The following AFF3 variants were observed in gnomAD, a reference collection of about 807,000 sequenced individuals.
The protein encoded by AFF3 is ALF transcription elongation factor 3, also known as AF4/FMR2 family member 3.
A neutral mutation model predicts 129.7 loss-of-function variants in AFF3; 32 were observed. That is an observed-to-expected ratio of 0.25 (90% confidence interval 0.19 to 0.33). AFF3 has a LOEUF of 0.33. Among genes scored for constraint, AFF3 ranks in the 10% least tolerant of loss-of-function variants. AFF3 has a pLI of 1.00. For missense variants in AFF3, 1,373 were observed against 1,592.0 expected (o/e 0.86, Z 2.34); for synonymous variants, 644 against 635.4 (o/e 1.01, Z -0.20).
intron 2 of AFF3, among the ~76,000 whole-genome samples, chr2:100,117,285 T>C (rs1221475403): frequency 6.6e-6 from 1 of 152,204 alleles, no homozygotes; most frequent in Non-Finnish European, 1.5e-5. Context: ...AATTTTTAGC[T>C]GTCTTTCTAT....
chr2:99,676,746 A>G (rs931627742), intron 11 of AFF3, among the ~76,000 whole-genome samples: 1 of 152,182 alleles, frequency 6.6e-6, no homozygotes, highest in African/African-American at 2.4e-5. Context: ...AGAAAGGGTC[A>G]TGTTCCTGAG....
chr2:99,563,184 GTTTTC>G (rs796354894), intron 20 of AFF3, among the ~76,000 whole-genome samples: 9 of 151,562 alleles, frequency 5.9e-5, no homozygotes, highest in African/African-American at 1.9e-4. Flanking sequence ...AATTAATGCT[GTTTTC>G]TTTTTTTTTT....
In AFF3 at chr2:99,731,011, T is replaced by C. The variant is rs1306963632; in HGVS notation, c.1040-3883A>G. 3.3e-5 allele frequency among the ~76,000 whole-genome samples: 5 copies of C among 152,238 alleles called. No homozygotes were observed. The East Asian group carries it at 9.7e-4, about 29-fold the overall frequency. Reference sequence around the variant, plus strand: ...GTCTGTTGCCCAGACTGGAGTGCAGTGGTGCAATCTTGGCTTACTGCAATC... The same window carrying C: ...GTCTGTTGCCCAGACTGGAGTGCAGCGGTGCAATCTTGGCTTACTGCAATC... On this transcript the variant is annotated intron_variant, in intron 10 of 24. Transcript: ENST00000672756.
chr2:99,649,916 G>A (rs1310084676), intron 12 of AFF3, among the ~76,000 whole-genome samples: 3 of 152,224 alleles, frequency 2.0e-5, no homozygotes, highest in Non-Finnish European at 4.4e-5. Context: ...GTTTGTCGGG[G>A]GGGCAAAGGA....
intron 2 of AFF3, among the ~76,000 whole-genome samples, chr2:100,123,270 G>A (rs17437538): frequency 0.13 from 20,011 of 152,152 alleles, 1,361 homozygotes; most frequent in Middle Eastern, 0.18. Context: ...GACTGTAAGC[G>A]AAGTTTAATT....
intron 7 of AFF3, among the ~76,000 whole-genome samples, chr2:99,957,420 T>G (rs1252111676): frequency 6.6e-6 from 1 of 152,148 alleles, no homozygotes; most frequent in Non-Finnish European, 1.5e-5. Context: ...CCACAGCCTG[T>G]CAAATTAGAA....
chr2:99,946,670 T>C (rs898134606), intron 7 of AFF3, among the ~76,000 whole-genome samples: 1 of 152,042 alleles, frequency 6.6e-6, no homozygotes, highest in Non-Finnish European at 1.5e-5. Context: ...GGTACCCTAA[T>C]TTGAAATCAA....
intron 7 of AFF3, among the ~76,000 whole-genome samples, chr2:99,870,190 T>C (rs997704270): frequency 6.6e-6 from 1 of 152,230 alleles, no homozygotes; most frequent in Non-Finnish European, 1.5e-5. Context: ...GGCTCTGCTC[T>C]GGTGTCAGGA....
intron 8 of AFF3, among the ~76,000 whole-genome samples, chr2:99,822,437 A>G (rs1331788998): frequency 6.6e-6 from 1 of 152,072 alleles, no homozygotes; most frequent in Admixed American, 6.5e-5. Flanking sequence ...TTTCTTCTAC[A>G]TTCATCAAAT....
At chr2:99,986,223 A>C (rs1679854935) in intron 7 of AFF3, among the ~76,000 whole-genome samples, 1 of 147,540 alleles carries the variant, frequency 6.8e-6, no homozygotes, top group South Asian at 2.1e-4. Flanking sequence ...TAATAATAAT[A>C]ATAATAATAA....
chr2:100,058,441 A>T (rs184613108), intron 4 of AFF3, among the ~76,000 whole-genome samples: 20 of 152,346 alleles, frequency 1.3e-4, no homozygotes, highest in South Asian at 4.1e-4. Flanking sequence ...TAGAAAAAAA[A>T]ATATATAAAC....
In AFF3 at chr2:99,925,023, G is replaced by A. The variant is rs777462317; in HGVS notation, c.873+81609C>T. Among the ~76,000 whole-genome samples the A allele has an allele frequency of 5.9e-5, 9 of 151,724 alleles. No individual in the cohort carries two copies. In the South Asian group the frequency reaches 6.3e-4, roughly 11 times the overall value. On this transcript the variant is annotated intron_variant, in intron 7 of 24. Transcript: ENST00000672756. ...CCTGAATAGCTAGGACCACAGGTGC[G>A]CGACATCATGTTCAGCTAATTTTTT...
At chr2:99,742,959 C>T (rs1461090169) in intron 10 of AFF3, among the ~76,000 whole-genome samples, 1 of 152,190 alleles carries the variant, frequency 6.6e-6, no homozygotes, top group Non-Finnish European at 1.5e-5. Flanking sequence ...TGGTGAGACA[C>T]AGGGAGGAAA....
chr2:99,559,645 T>G (rs1020277887), intron 21 of AFF3, among the ~76,000 whole-genome samples: 1 of 152,230 alleles, frequency 6.6e-6, no homozygotes, highest in Non-Finnish European at 1.5e-5. Context: ...CTGAGACTTA[T>G]CCTCTCTTCC....
chr2:99,813,837 C>G (rs1686988417), intron 8 of AFF3, among the ~76,000 whole-genome samples: 2 of 152,198 alleles, frequency 1.3e-5, no homozygotes, highest in African/African-American at 2.4e-5. Context: ...TAGAACAAAA[C>G]AGTTCACCTG....
At chr2:99,979,645 A>C (rs1222171985) in intron 7 of AFF3, among the ~76,000 whole-genome samples, 1 of 151,862 alleles carries the variant, frequency 6.6e-6, no homozygotes, top group African/African-American at 2.4e-5. Context: ...CGACCAGCTA[A>C]TTTTTAAATT....
At chr2:99,974,126 T>C (rs771101624) in intron 7 of AFF3, among the ~76,000 whole-genome samples, 1 of 152,274 alleles carries the variant, frequency 6.6e-6, no homozygotes, top group Non-Finnish European at 1.5e-5. Flanking sequence ...TGCATTGTCA[T>C]GTAAAATGTA....
intron 7 of AFF3, among the ~76,000 whole-genome samples, chr2:99,844,285 T>C (rs1192662816): frequency 6.6e-6 from 1 of 152,004 alleles, no homozygotes; most frequent in Admixed American, 6.6e-5. Flanking sequence ...AAGTAAACAA[T>C]TCAGGGGCAT....
At chr2:99,666,302 A>G (rs1010362238) in intron 12 of AFF3, among the ~76,000 whole-genome samples, 15 of 152,346 alleles carry the variant, frequency 9.8e-5, no homozygotes, top group African/African-American at 3.6e-4. Flanking sequence ...AAAGGTAATT[A>G]TAGGATATTA....
Sources: allele counts gnomAD v4.1 joint callset (sites outside exome capture counted in the v4.1 genomes callset), GRCh38; gene constraint gnomAD v4.1.1; transcripts MANE v1.5; gene names NCBI Gene and HGNC (gene_info 2026-07-23, HGNC 2026-07-21).